CDH13: variants seen among roughly 807,000 people sequenced by gnomAD.
CDH13 encodes the protein cadherin 13.
In CDH13, 24 loss-of-function variants were observed where a neutral mutation model predicts 63.8. The observed-to-expected ratio is 0.38, with a 90% CI of 0.27 to 0.53. The LOEUF is 0.53. CDH13 is among the 20% of genes least tolerant of loss of function. CDH13 has a pLI of 0.85. For missense variants in CDH13, 1,049 were observed against 903.1 expected, an observed-to-expected ratio of 1.16 and a Z score of -2.07; for synonymous variants, 503 against 355.3, an observed-to-expected ratio of 1.42 and a Z score of -4.67.
intron 8 of CDH13, among the ~76,000 whole-genome samples, chr16:83,665,974 C>T (rs1913912070): frequency 6.6e-6 from 1 of 152,190 alleles, no homozygotes; most frequent in African/African-American, 2.4e-5. Flanking sequence ...AATAATCAGT[C>T]CTGAATTTGG....
intron 5 of CDH13, among the ~76,000 whole-genome samples, chr16:83,328,771 C>G (rs1385607747): frequency 6.6e-6 from 1 of 152,036 alleles, no homozygotes; most frequent in Non-Finnish European, 1.5e-5. Context: ...AGGCATTGTA[C>G]CAACATTCAC....
intron 6 of CDH13, among the ~76,000 whole-genome samples, chr16:83,448,368 G>A (rs1164914001): frequency 1.3e-5 from 2 of 152,102 alleles, no homozygotes; most frequent in South Asian, 2.1e-4. Flanking sequence ...CAGCTTGGAG[G>A]GAGAAACAAG....
chr16:82,915,393 T>C (rs1234719458), intron 2 of CDH13, among the ~76,000 whole-genome samples: 1 of 152,166 alleles, frequency 6.6e-6, no homozygotes, highest in African/African-American at 2.4e-5. Flanking sequence ...GCAGCACATT[T>C]TGGAAATGGT....
intron 3 of CDH13, among the ~76,000 whole-genome samples, chr16:83,112,671 C>G (rs2035114442): frequency 6.6e-6 from 1 of 152,252 alleles, no homozygotes; most frequent in East Asian, 1.9e-4. Flanking sequence ...TTTCTCTGCA[C>G]TGTGTTCCTA....
At chr16:83,000,781 G>T (rs998226167) in intron 2 of CDH13, among the ~76,000 whole-genome samples, 2 of 151,748 alleles carry the variant, frequency 1.3e-5, no homozygotes, top group Non-Finnish European at 2.9e-5. Flanking sequence ...GGGTTTCACC[G>T]TGTTAGCCAA....
chr16:83,238,913 C>G lies in CDH13; in HGVS notation c.636+21416C>G, dbSNP rs546089171. Reference sequence around the variant, plus strand: ...TAGTTGGAAGGACACATCCTATTCTCCTCACCTTTGGGCTAAGAGCAGAGT... The same window carrying G: ...TAGTTGGAAGGACACATCCTATTCTGCTCACCTTTGGGCTAAGAGCAGAGT... On this transcript the variant is annotated intron_variant, in intron 5 of 13. Transcript: ENST00000567109. Among the ~76,000 whole-genome samples the G allele has an allele frequency of 6.6e-5, 10 of 152,274 alleles. No homozygotes were observed. In the South Asian group the frequency reaches 1.0e-3, roughly 16 times the overall value.
chr16:83,522,097 C>T (rs145073717), intron 7 of CDH13, among the ~76,000 whole-genome samples: 3 of 152,170 alleles, frequency 2.0e-5, no homozygotes, highest in African/African-American at 4.8e-5. Context: ...TCCCCTGCTG[C>T]GCAGAGTGCA....
intron 5 of CDH13, among the ~76,000 whole-genome samples, chr16:83,230,919 G>T (rs1035970262): frequency 6.6e-6 from 1 of 152,246 alleles, no homozygotes; most frequent in South Asian, 2.1e-4. Flanking sequence ...TGTGAATTCT[G>T]TATTTGGAAT....
chr16:83,374,180 C>T (rs1170124560), intron 6 of CDH13, among the ~76,000 whole-genome samples: 6 of 152,152 alleles, frequency 3.9e-5, no homozygotes, highest in African/African-American at 1.4e-4. Context: ...AAGTCTTAGT[C>T]CAACCCCTTA....
At chr16:83,342,401 C>T (rs180816788) in intron 5 of CDH13, among the ~76,000 whole-genome samples, 4 of 152,192 alleles carry the variant, frequency 2.6e-5, no homozygotes, top group Admixed American at 6.5e-5. Context: ...AGTGAGTCCT[C>T]AAATAATTTT....
intron 5 of CDH13, among the ~76,000 whole-genome samples, chr16:83,222,706 C>T (rs2039732038): frequency 6.6e-6 from 1 of 152,002 alleles, no homozygotes; most frequent in African/African-American, 2.4e-5. Context: ...TTCTTGGTGG[C>T]AGTCAACAAA....
chr16:83,773,920 C>T (rs1049199951), intron 11 of CDH13, among the ~76,000 whole-genome samples: 1 of 152,186 alleles, frequency 6.6e-6, no homozygotes, highest in African/African-American at 2.4e-5. Flanking sequence ...CCTCCTTTCT[C>T]TCCATCCTTA....
intron 10 of CDH13, among the ~76,000 whole-genome samples, chr16:83,683,185 T>G (rs2150878536): frequency 6.6e-6 from 1 of 152,330 alleles, no homozygotes; most frequent in East Asian, 1.9e-4. Context: ...CCTGGGTTAT[T>G]AAGACTTGTT....
At chr16:83,570,752 AT>A (rs1377670381) in intron 7 of CDH13, among the ~76,000 whole-genome samples, 2 of 143,908 alleles carry the variant, frequency 1.4e-5, no homozygotes, top group Non-Finnish European at 3.0e-5. Context: ...TTTTATAAAA[AT>A]TATATATTTA....
At chr16:83,249,042 C>G (rs1390737612) in intron 5 of CDH13, among the ~76,000 whole-genome samples, 2 of 152,216 alleles carry the variant, frequency 1.3e-5, no homozygotes, top group Non-Finnish European at 2.9e-5. Flanking sequence ...GTGTTGCAGT[C>G]TCTTATCTGA....
At chr16:82,873,228 G>C (rs2040401143) in intron 2 of CDH13, among the ~76,000 whole-genome samples, 1 of 152,176 alleles carries the variant, frequency 6.6e-6, no homozygotes, top group Non-Finnish European at 1.5e-5. Context: ...TTGAGATACT[G>C]TGATCCAGGA....
At chr16:82,766,726 A>G (rs1204231350) in intron 1 of CDH13, among the ~76,000 whole-genome samples, 1 of 152,150 alleles carries the variant, frequency 6.6e-6, no homozygotes, top group Non-Finnish European at 1.5e-5. Context: ...AATACATCTG[A>G]TCAAATCCCC....
At chr16:83,569,574 C>G (rs1203490245) in intron 7 of CDH13, among the ~76,000 whole-genome samples, 1 of 152,170 alleles carries the variant, frequency 6.6e-6, no homozygotes, top group Non-Finnish European at 1.5e-5. Flanking sequence ...CATTTTCCAT[C>G]AGGCTCAATT....
chr16:83,065,689 A>G (rs1430391448), intron 3 of CDH13, among the ~76,000 whole-genome samples: 1 of 113,880 alleles, frequency 8.8e-6, no homozygotes, highest in South Asian at 2.9e-4. Flanking sequence ...TGGGTGACAG[A>G]ACGAGATTTG....
Sources: gnomAD v4.1 joint callset for allele counts (sites outside exome capture counted in the v4.1 genomes callset) on GRCh38, gnomAD v4.1.1 for gene constraint, MANE v1.5 for transcripts, NCBI Gene and HGNC (gene_info 2026-07-23, HGNC 2026-07-21) for gene names.